Variants in DPP6 observed in about 807,000 individuals in gnomAD.
The protein encoded by DPP6 is A-type potassium channel modulatory protein DPP6.
In DPP6, 69 loss-of-function variants were observed where a neutral mutation model predicts 122.6. That is an observed-to-expected ratio of 0.56 (90% CI 0.46 to 0.69). DPP6 has a LOEUF of 0.69. Ranked by LOEUF, DPP6 falls within the 30% of genes least tolerant of loss-of-function variation. The pLI is 0.00. For synonymous variants in DPP6, 418 were observed against 433.1 expected (o/e 0.97, Z 0.43); for missense variants, 928 against 1,116.9 (o/e 0.83, Z 2.41).
At chr7:154,345,149 G>A (rs539964431) in intron 1 of DPP6, among the ~76,000 whole-genome samples, 3 of 152,194 alleles carry the variant, frequency 2.0e-5, no homozygotes, top group African/African-American at 4.8e-5. Context: ...ATGAGGGTGC[G>A]GGCAGCTTTG....
intron 8 of DPP6, among the ~76,000 whole-genome samples, chr7:154,766,126 C>T (rs909489957): frequency 2.6e-5 from 4 of 152,138 alleles, no homozygotes; most frequent in Admixed American, 2.6e-4. Flanking sequence ...TGTTCAAGGA[C>T]ACCTAGGGAA....
intron 1 of DPP6, among the ~76,000 whole-genome samples, chr7:153,892,916 A>T (rs1330582971): frequency 6.6e-6 from 1 of 152,172 alleles, no homozygotes; most frequent in Non-Finnish European, 1.5e-5. Flanking sequence ...CATCACCCTT[A>T]TAACTAGACG....
At chr7:154,722,333 C>A (rs924738066) in intron 7 of DPP6, among the ~76,000 whole-genome samples, 1 of 152,246 alleles carries the variant, frequency 6.6e-6, no homozygotes, top group Admixed American at 6.5e-5. Flanking sequence ...GTTGCAGACA[C>A]CATCGTGTAG....
chr7:153,984,053 AACAC>A (rs528640069), intron 1 of DPP6, among the ~76,000 whole-genome samples: 25,329 of 131,702 alleles, frequency 0.19, 2,353 homozygotes, highest in African/African-American at 0.22. Flanking sequence ...TTCTGTCCAT[AACAC>A]ACACACACAC....
intron 1 of DPP6, among the ~76,000 whole-genome samples, chr7:153,986,191 A>G (rs1178910930): frequency 2.0e-5 from 3 of 152,242 alleles, no homozygotes; most frequent in African/African-American, 7.2e-5. Flanking sequence ...GGAAACAGAA[A>G]ATAGATATGC....
chr7:154,000,353 G>T (rs1450558952), intron 1 of DPP6, among the ~76,000 whole-genome samples: 1 of 152,234 alleles, frequency 6.6e-6, no homozygotes, highest in Non-Finnish European at 1.5e-5. Context: ...GGGGCCAGCT[G>T]CACTGAGGAT....
intron 3 of DPP6, among the ~76,000 whole-genome samples, chr7:154,522,973 T>C (rs1337748500): frequency 6.6e-6 from 1 of 152,190 alleles, no homozygotes; most frequent in South Asian, 2.1e-4. Flanking sequence ...AACCCACCTC[T>C]GGGGCGGGGA....
At chr7:153,912,536 A>G (rs1218788337) in intron 1 of DPP6, among the ~76,000 whole-genome samples, 7 of 152,348 alleles carry the variant, frequency 4.6e-5, no homozygotes, top group Admixed American at 2.0e-4. Flanking sequence ...TAGAGATACT[A>G]AAAATTGCAG....
chr7:154,413,145 C>A (rs7808360), intron 1 of DPP6, among the ~76,000 whole-genome samples: 6,937 of 152,210 alleles, frequency 0.046, 267 homozygotes, highest in East Asian at 0.16. Flanking sequence ...AAGTGGTCCT[C>A]GGTATAGATT....
chr7:154,139,876 C>G (rs1184559948), intron 1 of DPP6, among the ~76,000 whole-genome samples: 3 of 152,214 alleles, frequency 2.0e-5, no homozygotes, highest in Non-Finnish European at 4.4e-5. Flanking sequence ...GCAGCTCTCA[C>G]AGCCAGTCTG....
chr7:154,866,133 C>A (rs913967357), intron 17 of DPP6, among the ~76,000 whole-genome samples: 3 of 152,224 alleles, frequency 2.0e-5, no homozygotes, highest in Admixed American at 1.3e-4. Context: ...AGGAAGATTT[C>A]AAACACAGGG....
chr7:154,250,089 G>A (rs1424170804), intron 1 of DPP6, among the ~76,000 whole-genome samples: 4 of 151,984 alleles, frequency 2.6e-5, no homozygotes, highest in South Asian at 2.1e-4. Context: ...GGTGCATGCA[G>A]CCCCCAGTCA....
chr7:154,780,768 T>C (rs1796969467), intron 10 of DPP6, among the ~76,000 whole-genome samples: 1 of 152,200 alleles, frequency 6.6e-6, no homozygotes, highest in South Asian at 2.1e-4. Context: ...TGTTTTTAAA[T>C]GTGTTAACAT....
Position 154,667,224 on chromosome 7 carries a change from T to C in DPP6, c.681-2136T>C, listed in dbSNP as rs1200981444. Among the ~76,000 whole-genome samples the C allele has an allele frequency of 2.0e-5, 3 of 152,210 alleles. No homozygotes were observed. In the South Asian group the frequency reaches 6.2e-4, roughly 32 times the overall value. ...AAAGTATTTTGTATGTTAGGGATAT[T>C]AGCCATGTGTTGTAAATACTTTTCT... is the stretch of plus-strand genomic sequence containing the variant. On this transcript the variant is annotated intron_variant, in intron 6 of 25. Transcript: ENST00000377770.
chr7:154,535,685 T>TAA (rs34063841), intron 3 of DPP6, among the ~76,000 whole-genome samples: 222 of 144,282 alleles, frequency 1.5e-3, no homozygotes, highest in African/African-American at 4.7e-3. Flanking sequence ...TAATAAATTG[T>TAA]AAAAAAAAAA....
the DPP6 span, among the ~76,000 whole-genome samples, chr7:153,868,301 A>G: frequency 6.6e-6 from 1 of 151,994 alleles, no homozygotes; most frequent in Non-Finnish European, 1.5e-5. Context: ...TTGGTTGGTA[A>G]GCTATTAATT....
At chr7:154,780,362 A>C (rs1202139207) in intron 10 of DPP6, among the ~76,000 whole-genome samples, 1 of 152,260 alleles carries the variant, frequency 6.6e-6, no homozygotes, top group Non-Finnish European at 1.5e-5. Context: ...AGTACATTTT[A>C]CATTGTCATG....
At chr7:154,867,361 C>A (rs1458980393) in intron 17 of DPP6, among the ~76,000 whole-genome samples, 2 of 152,170 alleles carry the variant, frequency 1.3e-5, no homozygotes, top group African/African-American at 2.4e-5. Flanking sequence ...AAAGGTCCAG[C>A]GCATCCACAC....
chr7:154,133,147 T>A (rs1419988142), intron 1 of DPP6, among the ~76,000 whole-genome samples: 1 of 152,216 alleles, frequency 6.6e-6, no homozygotes, highest in Admixed American at 6.5e-5. Context: ...TTATTTAGTC[T>A]TTAAAAATAA....
Sources: allele counts gnomAD v4.1 joint callset (sites outside exome capture counted in the v4.1 genomes callset), GRCh38; gene constraint gnomAD v4.1.1; transcripts MANE v1.5; gene names NCBI Gene and HGNC (gene_info 2026-07-23, HGNC 2026-07-21).